The following ROBO2 variants were observed in gnomAD, a reference collection of about 807,000 sequenced individuals.
The protein encoded by ROBO2 is roundabout guidance receptor 2.
A neutral mutation model predicts 160.8 loss-of-function variants in ROBO2; 53 were observed. The ratio of observed to expected loss-of-function variants is 0.33; its 90% CI spans 0.26 to 0.41. The LOEUF is 0.41. Ranked by LOEUF, ROBO2 falls within the 10% of genes least tolerant of loss-of-function variation. The probability of loss-of-function intolerance (pLI) is 1.00; values close to 1 mark genes in which losing one functional copy is unlikely to be tolerated. For missense variants in ROBO2, 1,577 were observed against 1,722.4 expected, an observed-to-expected ratio of 0.92 and a Z score of 1.49; for synonymous variants, 664 against 611.7, an observed-to-expected ratio of 1.09 and a Z score of -1.26.
intron 2 of ROBO2, among the ~76,000 whole-genome samples, chr3:77,333,889 A>AAAAAGGGC (rs1467483562): frequency 6.6e-6 from 1 of 152,182 alleles, no homozygotes; most frequent in Non-Finnish European, 1.5e-5. Context: ...AACTAGCATT[A>AAAAAGGGC]AAAAGGGCGA....
chr3:77,431,283 A>G (rs1221056823), intron 2 of ROBO2, among the ~76,000 whole-genome samples: 1 of 152,180 alleles, frequency 6.6e-6, no homozygotes, highest in East Asian at 1.9e-4. Flanking sequence ...TGGTGAAGAC[A>G]AAGAAGATTT....
At chr3:77,473,711 C>A (rs1160224125) in intron 2 of ROBO2, among the ~76,000 whole-genome samples, 3 of 152,070 alleles carry the variant, frequency 2.0e-5, no homozygotes, top group African/African-American at 7.2e-5. Flanking sequence ...CCACCTCGGC[C>A]TCCCAAAGTG....
chr3:76,054,015 G>T (rs73842918), intron 2 of ROBO2, among the ~76,000 whole-genome samples: 1 of 151,968 alleles, frequency 6.6e-6, no homozygotes, highest in Admixed American at 6.6e-5. Context: ...TATCTGTTTG[G>T]AACTAAATTG....
intron 2 of ROBO2, among the ~76,000 whole-genome samples, chr3:77,195,343 A>G (rs1001733875): frequency 1.2e-4 from 19 of 152,198 alleles, no homozygotes; most frequent in Non-Finnish European, 4.4e-5. Flanking sequence ...AATATTAAGC[A>G]GTTATAAACA....
chr3:76,313,807 G>A (rs751964790), intron 2 of ROBO2, among the ~76,000 whole-genome samples: 1 of 151,898 alleles, frequency 6.6e-6, no homozygotes, highest in Non-Finnish European at 1.5e-5. Flanking sequence ...CTGAGCAGCT[G>A]TCAACCTCCA....
At chr3:77,421,145 G>T (rs575763392) in intron 2 of ROBO2, among the ~76,000 whole-genome samples, 1 of 152,150 alleles carries the variant, frequency 6.6e-6, no homozygotes, top group Admixed American at 6.5e-5. Flanking sequence ...TAATCCTTCT[G>T]TGCCTTAGGT....
intron 2 of ROBO2, among the ~76,000 whole-genome samples, chr3:76,523,103 C>T (rs2081730652): frequency 6.6e-6 from 1 of 150,718 alleles, no homozygotes; most frequent in African/African-American, 2.4e-5. Flanking sequence ...GGTCCTTTTT[C>T]CTCTAAAGAG....
intron 2 of ROBO2, among the ~76,000 whole-genome samples, chr3:75,966,810 T>C (rs1949133011): frequency 1.3e-5 from 2 of 151,854 alleles, no homozygotes; most frequent in Admixed American, 1.3e-4. Flanking sequence ...ACTATTCCAC[T>C]CTATAATTTC....
chr3:76,590,031 A>T (rs985283196), intron 2 of ROBO2, among the ~76,000 whole-genome samples: 4 of 152,226 alleles, frequency 2.6e-5, no homozygotes, highest in Non-Finnish European at 5.9e-5. Flanking sequence ...AACTAATATT[A>T]TACACATGTG....
At position 75,915,659 on chromosome 3, in the gene ROBO2, G is replaced by A. The variant is rs903960531; in HGVS notation, c.-14+8699G>A. Among the ~76,000 whole-genome samples, 42 of 152,156 alleles carry A rather than the reference G, an allele frequency of 2.8e-4. 1 individual carries two copies. Among genetic ancestry groups the A allele is most frequent in the Non-Finnish European group, 5.4e-4 (37 of 68,034 alleles). ...TTTCGAGCTGCATTCTGATAAGAAG[G>A]CAAGGCTAGAGGACTCATGTTGAGG... On this transcript the variant is annotated intron_variant, in intron 1 of 26. Transcript: ENST00000487694.
At chr3:76,149,249 A>G (rs2072048502) in intron 2 of ROBO2, among the ~76,000 whole-genome samples, 1 of 152,146 alleles carries the variant, frequency 6.6e-6, no homozygotes, top group African/African-American at 2.4e-5. Flanking sequence ...GACCCTTTCT[A>G]AGAAGGGGTA....
At chr3:76,871,834 A>G (rs573896034) in intron 2 of ROBO2, among the ~76,000 whole-genome samples, 6 of 152,320 alleles carry the variant, frequency 3.9e-5, no homozygotes, top group East Asian at 1.9e-4. Context: ...TCTTGCTTAC[A>G]TTAGAGCTAG....
intron 2 of ROBO2, among the ~76,000 whole-genome samples, chr3:76,132,108 G>T (rs908078960): frequency 6.6e-6 from 1 of 152,066 alleles, no homozygotes; most frequent in Admixed American, 6.6e-5. Flanking sequence ...GGTCATACTC[G>T]TGGCTAAGAT....
At chr3:76,738,699 A>G (rs1369613605) in intron 2 of ROBO2, among the ~76,000 whole-genome samples, 1 of 152,196 alleles carries the variant, frequency 6.6e-6, no homozygotes, top group African/African-American at 2.4e-5. Context: ...AATATATATG[A>G]GAATGATATG....
intron 1 of ROBO2, among the ~76,000 whole-genome samples, chr3:77,074,327 T>C (rs2067719046): frequency 6.6e-6 from 1 of 152,218 alleles, no homozygotes; most frequent in Admixed American, 6.5e-5. Flanking sequence ...GTTTAAAATA[T>C]GTCCCCTTCT....
chr3:76,360,319 C>T (rs923989546), intron 2 of ROBO2, among the ~76,000 whole-genome samples: 2 of 151,862 alleles, frequency 1.3e-5, no homozygotes, highest in African/African-American at 4.8e-5. Context: ...GTGTTTGTAC[C>T]CCCTGTCATG....
At chr3:76,236,071 A>G (rs1195018637) in intron 2 of ROBO2, among the ~76,000 whole-genome samples, 1 of 152,168 alleles carries the variant, frequency 6.6e-6, no homozygotes, top group African/African-American at 2.4e-5. Context: ...ACCAGCTCAG[A>G]TAATTCAGGT....
chr3:76,009,320 G>T (rs891736991), intron 2 of ROBO2, among the ~76,000 whole-genome samples: 1 of 152,116 alleles, frequency 6.6e-6, no homozygotes, highest in African/African-American at 2.4e-5. Context: ...AGCCAGGATG[G>T]TCTCGATCTC....
chr3:76,343,877 A>C (rs1186179396), intron 2 of ROBO2, among the ~76,000 whole-genome samples: 2 of 152,114 alleles, frequency 1.3e-5, no homozygotes, highest in Non-Finnish European at 2.9e-5. Context: ...AGTAAATCAG[A>C]ATGCAAAATC....
Sources: gnomAD v4.1 joint callset for allele counts (sites outside exome capture counted in the v4.1 genomes callset) on GRCh38, gnomAD v4.1.1 for gene constraint, MANE v1.5 for transcripts, NCBI Gene and HGNC (gene_info 2026-07-23, HGNC 2026-07-21) for gene names.